Variants in CELF2 observed in about 807,000 individuals in gnomAD.
CELF2 encodes CUG triplet repeat RNA-binding protein 2.
In CELF2, 8 loss-of-function variants were observed where a neutral mutation model predicts 62.6. The observed-to-expected ratio is 0.13, with a 90% confidence interval of 0.07 to 0.23. The LOEUF (loss-of-function observed/expected upper bound fraction) is 0.23, where lower values mean the gene tolerates loss of function less well. Among genes scored for constraint, CELF2 ranks in the 10% least tolerant of loss-of-function variants. The probability of loss-of-function intolerance (pLI) is 1.00; values close to 1 mark genes in which losing one functional copy is unlikely to be tolerated. For synonymous variants in CELF2, 258 were observed against 250.0 expected (o/e 1.03, Z -0.30); for missense variants, 333 against 671.0 (o/e 0.50, Z 5.56).
the CELF2 span, among the ~76,000 whole-genome samples, chr10:10,773,931 C>T: frequency 3.9e-5 from 6 of 152,292 alleles, no homozygotes; most frequent in East Asian, 5.8e-4. Flanking sequence ...AGTCAATGAG[C>T]GACAGGTTCA....
the CELF2 span, among the ~76,000 whole-genome samples, chr10:10,759,176 T>C: frequency 6.6e-6 from 1 of 152,012 alleles, no homozygotes; most frequent in Non-Finnish European, 1.5e-5. Flanking sequence ...TAAGACTGTA[T>C]GAAAGGAAGG....
chr10:10,557,576 C>G, the CELF2 span, among the ~76,000 whole-genome samples: 6 of 151,614 alleles, frequency 4.0e-5, no homozygotes, highest in African/African-American at 1.5e-4. Flanking sequence ...TGAAGAAAGG[C>G]ATTGGTAGCT....
chr10:10,846,242 A>G, intron 1 of CELF2: 1 of 338,978 alleles, frequency 3.0e-6, no homozygotes, highest in Non-Finnish European at 4.2e-6. Context: ...CTCATATGCT[A>G]GGTTTCAGTG....
intron 1 of CELF2, among the ~76,000 whole-genome samples, chr10:11,022,656 A>C (rs537324415): frequency 3.3e-5 from 5 of 151,908 alleles, no homozygotes; most frequent in Non-Finnish European, 7.4e-5. Context: ...CCCCTTCCTT[A>C]CTTTTATTAA....
Position 11,005,425 on chromosome 10 carries a change from A to T in CELF2, c.38A>T (p.Glu13Val), listed in dbSNP as rs1355049429. 1.2e-6 allele frequency: 2 copies of T among 1,613,954 alleles called. No homozygotes were observed. The highest frequency in any genetic ancestry group is 2.2e-5 in the South Asian group (2 of 91,074). ...AAATCCGCTGTTACTATGAGAAATG[A>T]AGAGCTGCTTTTAAGGTATGTTGTT... The change falls in exon 1 of 13, where the codon GAA becomes GTA. Residue 13 changes from glutamate (E) to valine (V), a missense_variant. Glu to Val is a moderately radical substitution (Grantham distance 121, BLOSUM62 -2). Transcript: ENST00000416382. The surrounding 1 kb of genome is among the most constrained non-coding windows in gnomAD (Gnocchi z 4.3).
At chr10:11,249,040 G>C (rs1045205882) in intron 3 of CELF2, 113 bp from the exon 4 acceptor site, 1 of 813,286 alleles carries the variant, frequency 1.2e-6, no homozygotes, top group Non-Finnish European at 2.1e-6. Flanking sequence ...GAGAAGTCTT[G>C]TTGTCACTTA....
chr10:10,508,142 T>C, the CELF2 span, among the ~76,000 whole-genome samples: 1 of 146,654 alleles, frequency 6.8e-6, no homozygotes, highest in South Asian at 2.3e-4. Context: ...CTGGGAGGTG[T>C]CTGTGCTGTC....
the CELF2 span, among the ~76,000 whole-genome samples, chr10:10,613,508 C>T: frequency 3.3e-5 from 5 of 152,084 alleles, no homozygotes; most frequent in African/African-American, 9.7e-5. Flanking sequence ...GACATTTCAT[C>T]GGGGCTTCTT....
At chr10:10,505,726 C>G in the CELF2 span, among the ~76,000 whole-genome samples, 1 of 152,190 alleles carries the variant, frequency 6.6e-6, no homozygotes, top group East Asian at 1.9e-4. Context: ...ATCTGAAGTA[C>G]AGCAGATATT....
the CELF2 span, among the ~76,000 whole-genome samples, chr10:10,560,803 T>C: frequency 6.6e-6 from 1 of 152,146 alleles, no homozygotes; most frequent in Non-Finnish European, 1.5e-5. Flanking sequence ...TAAAAAACTC[T>C]GATATATATA....
chr10:10,462,615 C>CTTTTTTTTTTTTTTTTTTTTTT, the CELF2 span, among the ~76,000 whole-genome samples: 20 of 69,428 alleles, frequency 2.9e-4, 1 homozygote, highest in East Asian at 5.2e-4. Context: ...TTTTTTTCAT[C>CTTTTTTTTTTTTTTTTTTTTTT]TTTTTTTTTT....
At chr10:11,099,990 C>G (rs2051072118) in intron 1 of CELF2, among the ~76,000 whole-genome samples, 1 of 151,742 alleles carries the variant, frequency 6.6e-6, no homozygotes, top group Admixed American at 6.6e-5. Context: ...CACCTGAGGT[C>G]AGGCGTTTGA....
At chr10:10,834,272 A>G (rs994690912) in intron 1 of CELF2, among the ~76,000 whole-genome samples, 1 of 152,180 alleles carries the variant, frequency 6.6e-6, no homozygotes, top group East Asian at 1.9e-4. Flanking sequence ...GAACAGACGG[A>G]CACATAGAGG....
At chr10:10,504,746 C>A in the CELF2 span, among the ~76,000 whole-genome samples, 1 of 151,508 alleles carries the variant, frequency 6.6e-6, no homozygotes, top group Non-Finnish European at 1.5e-5. Flanking sequence ...CAGTGTATTT[C>A]TCTCTATTCA....
intron 9 of CELF2, among the ~76,000 whole-genome samples, chr10:11,304,502 G>C: frequency 6.6e-6 from 1 of 152,342 alleles, no homozygotes; most frequent in Middle Eastern, 3.4e-3. Flanking sequence ...CAGTGCATCT[G>C]GTGAGGGCCT....
At chr10:11,212,638 C>A (rs1240315837) in intron 2 of CELF2, among the ~76,000 whole-genome samples, 1 of 152,010 alleles carries the variant, frequency 6.6e-6, no homozygotes, top group Admixed American at 6.6e-5. Flanking sequence ...TTCCATTGGA[C>A]CTGATGGACC....
At chr10:10,466,966 C>A in the CELF2 span, among the ~76,000 whole-genome samples, 2 of 151,924 alleles carry the variant, frequency 1.3e-5, no homozygotes, top group African/African-American at 4.8e-5. Context: ...GTATGGAATA[C>A]ATTTCCTCCC....
chr10:10,499,303 C>T, the CELF2 span, among the ~76,000 whole-genome samples: 12 of 152,002 alleles, frequency 7.9e-5, no homozygotes, highest in Non-Finnish European at 1.6e-4. Context: ...TGGCTTCAAG[C>T]GATTCTCCTG....
rs367973510 is a variant in CELF2 at position 11,302,409 on chromosome 10, G to A, written c.977-11730G>A. ...GAGCGTCTGACTCAGCGGGAGTGAG[G>A]GGAGCCCCAGGTGGTGCCGATGCGG... On this transcript the variant is annotated intron_variant, in intron 9 of 12. Transcript: ENST00000633077. The surrounding 1 kb of genome is among the most constrained non-coding windows in gnomAD (Gnocchi z 5.0). Among the ~76,000 whole-genome samples, 203 of 152,298 alleles carry A rather than the reference G, an allele frequency of 1.3e-3. 1 individual carries two copies. The highest frequency in any genetic ancestry group is 4.5e-3 in the African/African-American group (186 of 41,566).
Sources: allele counts gnomAD v4.1 joint callset (sites outside exome capture counted in the v4.1 genomes callset), GRCh38; gene constraint gnomAD v4.1.1; non-coding constraint Gnocchi (gnomAD v3.1); transcripts MANE v1.5; gene names NCBI Gene and HGNC (gene_info 2026-07-23, HGNC 2026-07-21).